The following PDE7B variants were observed in gnomAD, a reference collection of about 807,000 sequenced individuals.
PDE7B encodes 3',5'-cyclic-AMP phosphodiesterase 7B.
Under a neutral mutation model 56.2 loss-of-function variants are expected in PDE7B, and 29 were observed. The observed-to-expected ratio is 0.52, with a 90% CI of 0.38 to 0.70. PDE7B has a LOEUF of 0.70. PDE7B is among the 30% of genes least tolerant of loss of function. The probability of loss-of-function intolerance (pLI) is 0.00; values close to 1 mark genes in which losing one functional copy is unlikely to be tolerated. For synonymous variants in PDE7B, 197 were observed against 196.9 expected, an observed-to-expected ratio of 1.00 and a Z score of 0.00; for missense variants, 490 against 565.0, an observed-to-expected ratio of 0.87 and a Z score of 1.35.
chr6:136,009,746 G>T (rs893599162), intron 2 of PDE7B, among the ~76,000 whole-genome samples: 2 of 152,056 alleles, frequency 1.3e-5, no homozygotes, highest in Non-Finnish European at 1.5e-5. Flanking sequence ...AAGACGATGG[G>T]GTTTTCTAGA....
intron 1 of PDE7B, among the ~76,000 whole-genome samples, chr6:135,937,912 C>G (rs1459706595): frequency 6.6e-6 from 1 of 152,204 alleles, no homozygotes; most frequent in Non-Finnish European, 1.5e-5. Flanking sequence ...CCAAATGACC[C>G]TATTCTGCTT....
intron 1 of PDE7B, among the ~76,000 whole-genome samples, chr6:135,944,157 A>G (rs764805459): frequency 6.6e-6 from 1 of 152,190 alleles, no homozygotes; most frequent in African/African-American, 2.4e-5. Flanking sequence ...GGGTGCTTGC[A>G]TGGGGACTCC....
At chr6:136,052,096 T>C (rs1337721627) in intron 2 of PDE7B, among the ~76,000 whole-genome samples, 5 of 151,718 alleles carry the variant, frequency 3.3e-5, no homozygotes, top group Admixed American at 1.3e-4. Flanking sequence ...AATATCTACC[T>C]ATTTCCAAAA....
At chr6:136,140,185 A>G (rs1181742659) in intron 3 of PDE7B, among the ~76,000 whole-genome samples, 6 of 152,212 alleles carry the variant, frequency 3.9e-5, no homozygotes, top group Non-Finnish European at 8.8e-5. Flanking sequence ...AGCTTTCTAC[A>G]TATGGCTAGC....
At position 136,194,307 on chromosome 6, in the gene PDE7B, G is replaced by A. The variant is rs1187125615; in HGVS notation, c.*2467G>A. On this transcript the variant is annotated 3_prime_UTR_variant, in exon 13 of 13. Coordinates refer to ENST00000308191, the MANE Select transcript of PDE7B (RefSeq NM_018945.4). Reference sequence around the variant, plus strand: ...ATAATTTAAATAAATGAGATTGGAGGTATTCTTAGTAGTTCTGAGTTGATA... The same window carrying A: ...ATAATTTAAATAAATGAGATTGGAGATATTCTTAGTAGTTCTGAGTTGATA... 1 of 152,048 alleles carries A rather than the reference G, an allele frequency of 6.6e-6. No individual in the cohort carries two copies. Among genetic ancestry groups the A allele is most frequent in the East Asian group, 1.9e-4 (1 of 5,198 alleles). 9.4% of individuals were successfully genotyped at this position (152,048 alleles called of 1,614,324 possible). A position where few individuals can be genotyped will look rare whatever the true frequency, so the allele number is the denominator to read the frequency against.
intron 2 of PDE7B, among the ~76,000 whole-genome samples, chr6:136,045,807 G>C (rs1440862217): frequency 6.6e-6 from 1 of 151,880 alleles, no homozygotes; most frequent in Non-Finnish European, 1.5e-5. Flanking sequence ...ATCACAGCTA[G>C]AGCTATGATG....
At chr6:136,138,755 C>A (rs1327601868) in intron 3 of PDE7B, among the ~76,000 whole-genome samples, 2 of 152,114 alleles carry the variant, frequency 1.3e-5, no homozygotes, top group Non-Finnish European at 2.9e-5. Context: ...CCAGTTAACA[C>A]TGCAACTTGT....
At chr6:135,869,791 G>A (rs544917921) in intron 1 of PDE7B, among the ~76,000 whole-genome samples, 4 of 152,342 alleles carry the variant, frequency 2.6e-5, no homozygotes, top group African/African-American at 9.6e-5. Context: ...GAAAAAGAGT[G>A]ATCCCGGCAG....
At chr6:135,994,919 A>G (rs1348015706) in intron 2 of PDE7B, among the ~76,000 whole-genome samples, 1 of 152,230 alleles carries the variant, frequency 6.6e-6, no homozygotes, top group Non-Finnish European at 1.5e-5. Context: ...AGAGTTAGTC[A>G]TAGTCATAGG....
chr6:136,158,442 C>T (rs1250290353), intron 8 of PDE7B, among the ~76,000 whole-genome samples: 1 of 152,138 alleles, frequency 6.6e-6, no homozygotes, highest in African/African-American at 2.4e-5. Context: ...AATTATGTGG[C>T]TTGGGGAACA....
intron 2 of PDE7B, chr6:136,038,068 G>A (rs771371988): frequency 1.5e-6 from 2 of 1,338,076 alleles, no homozygotes; most frequent in South Asian, 2.3e-5. Context: ...CAGTGTTTGT[G>A]GAGGGCCTGA....
intron 2 of PDE7B, among the ~76,000 whole-genome samples, chr6:136,053,903 G>GTTGT (rs1217608879): frequency 6.6e-6 from 1 of 151,844 alleles, no homozygotes; most frequent in Non-Finnish European, 1.5e-5. Context: ...TTTTGATGGC[G>GTTGT]TTGTTTTTTT....
intron 1 of PDE7B, among the ~76,000 whole-genome samples, chr6:135,874,213 G>A (rs959748962): frequency 2.0e-5 from 3 of 152,092 alleles, no homozygotes; most frequent in Non-Finnish European, 2.9e-5. Flanking sequence ...CCTGGAGGTG[G>A]GAATGCATCT....
intron 3 of PDE7B, among the ~76,000 whole-genome samples, chr6:136,118,915 CT>C (rs988420253): frequency 6.6e-6 from 1 of 152,064 alleles, no homozygotes; most frequent in African/African-American, 2.4e-5. Context: ...AATATTTCTA[CT>C]GTATTTTCTA....
At chr6:135,885,945 T>C (rs1183805561) in intron 1 of PDE7B, among the ~76,000 whole-genome samples, 2 of 152,174 alleles carry the variant, frequency 1.3e-5, no homozygotes, top group Non-Finnish European at 2.9e-5. Context: ...TGTAAAAACT[T>C]AGTCTATAAT....
intron 2 of PDE7B, among the ~76,000 whole-genome samples, chr6:136,082,226 C>T (rs1777218454): frequency 6.6e-6 from 1 of 152,204 alleles, no homozygotes; most frequent in African/African-American, 2.4e-5. Context: ...TCATGACCAA[C>T]CTCTCACCAT....
intron 2 of PDE7B, among the ~76,000 whole-genome samples, chr6:136,011,029 C>T (rs1389571659): frequency 1.3e-5 from 2 of 152,110 alleles, no homozygotes; most frequent in African/African-American, 4.8e-5. Context: ...TGGAGATTTA[C>T]ATTTTACTCA....
At chr6:135,951,587 A>C (rs1225539096) in intron 2 of PDE7B, among the ~76,000 whole-genome samples, 1 of 152,126 alleles carries the variant, frequency 6.6e-6, no homozygotes, top group Non-Finnish European at 1.5e-5. Context: ...TTCAAGAAGA[A>C]ATTGCTGATC....
intron 2 of PDE7B, among the ~76,000 whole-genome samples, chr6:136,068,207 A>G (rs1399297624): frequency 6.6e-6 from 1 of 152,196 alleles, no homozygotes; most frequent in East Asian, 1.9e-4. Context: ...GAGCATTTTA[A>G]CATAAGACAT....
Sources: allele counts gnomAD v4.1 joint callset (sites outside exome capture counted in the v4.1 genomes callset), GRCh38; gene constraint gnomAD v4.1.1; transcripts MANE v1.5; gene names NCBI Gene and HGNC (gene_info 2026-07-23, HGNC 2026-07-21).